The following AP1G1 variants were observed in gnomAD, a reference collection of about 807,000 sequenced individuals.
The protein encoded by AP1G1 is AP-1 complex subunit gamma-1.
AP1G1 carries 7 observed loss-of-function variants against 108.3 expected under a neutral mutation model. That is an observed-to-expected ratio of 0.06 (90% CI 0.04 to 0.12). The LOEUF (loss-of-function observed/expected upper bound fraction) is 0.12, where lower values mean the gene tolerates loss of function less well. Ranked by LOEUF, AP1G1 falls within the 10% of genes least tolerant of loss-of-function variation. AP1G1 has a pLI of 1.00. For missense variants in AP1G1, 756 were observed against 1,010.7 expected (o/e 0.75, Z 3.42); for synonymous variants, 379 against 353.5 (o/e 1.07, Z -0.81).
chr16:71,745,519 G>A lies in AP1G1; in HGVS notation c.1826C>T (p.Pro609Leu), dbSNP rs1199639905. The stretch of plus-strand genomic sequence containing the variant: ...AGAGGGTGGCGGTTTGGTCTCTAGT[G>A]GAGCTGGTTCTGTCTCTCCATTTGT... ...VQTNGETEPA[P>L]LETKPPPSGP... The change falls in exon 18 of 23, where the codon CCA (proline) becomes CTA (leucine). Residue 609 changes from proline (P) to leucine (L), a missense_variant. Physicochemically the swap from Pro to Leu is moderately conservative, Grantham distance 98. This residue lies in a region of AP1G1 where 357 missense variants were observed against 366.5 expected (regional missense o/e 0.97). Coordinates refer to ENST00000299980, the MANE Select transcript of AP1G1 (RefSeq NM_001128.6). 1 of 1,614,174 alleles carries A rather than the reference G, an allele frequency of 6.2e-7. No individual in the cohort carries two copies. Among genetic ancestry groups the A allele is most frequent in the Non-Finnish European group, 8.5e-7 (1 of 1,180,024 alleles).
At chr16:71,736,872 G>A (rs1476554920) in intron 21 of AP1G1, among the ~76,000 whole-genome samples, 2 of 151,840 alleles carry the variant, frequency 1.3e-5, no homozygotes, top group African/African-American at 2.4e-5. Flanking sequence ...TGGGATTACA[G>A]GCGTGAGCCA....
chr16:71,779,980 T>C (rs2031943474), intron 2 of AP1G1, among the ~76,000 whole-genome samples: 4 of 151,210 alleles, frequency 2.6e-5, no homozygotes. Flanking sequence ...AAAAATTTTG[T>C]TTCAGTTTTT....
At chr16:71,803,116 G>A (rs2032867243) in intron 1 of AP1G1, among the ~76,000 whole-genome samples, 1 of 151,522 alleles carries the variant, frequency 6.6e-6, no homozygotes, top group African/African-American at 2.4e-5. Context: ...TCGGGAGGCT[G>A]AGCACAAGAA....
intron 1 of AP1G1, among the ~76,000 whole-genome samples, chr16:71,800,152 C>A (rs1395309131): frequency 7.1e-6 from 1 of 140,074 alleles, no homozygotes; most frequent in Non-Finnish European, 1.5e-5. Context: ...ATCACGAGGT[C>A]AGGAGATCAA....
chr16:71,735,287 T>C (rs1446527258), intron 21 of AP1G1, among the ~76,000 whole-genome samples: 3 of 152,116 alleles, frequency 2.0e-5, no homozygotes, highest in African/African-American at 7.2e-5. Flanking sequence ...AACCAGCCTA[T>C]ACAGCAAAAG....
At chr16:71,786,734 C>G (rs1459815571) in intron 2 of AP1G1, among the ~76,000 whole-genome samples, 5 of 152,056 alleles carry the variant, frequency 3.3e-5, no homozygotes, top group Non-Finnish European at 7.4e-5. Flanking sequence ...TCTGGGTGTA[C>G]AGGCGTGAGC....
At chr16:71,782,949 G>A (rs2032078765) in intron 2 of AP1G1, among the ~76,000 whole-genome samples, 1 of 152,032 alleles carries the variant, frequency 6.6e-6, no homozygotes, top group Non-Finnish European at 1.5e-5. Flanking sequence ...CTGGATTTGG[G>A]ATCAGCCATC....
intron 2 of AP1G1, among the ~76,000 whole-genome samples, chr16:71,784,658 A>C (rs2032138385): frequency 6.6e-6 from 1 of 152,034 alleles, no homozygotes; most frequent in African/African-American, 2.4e-5. Context: ...TTCCAGGTTC[A>C]AGTGATTCTC....
intron 1 of AP1G1, among the ~76,000 whole-genome samples, chr16:71,806,368 T>C (rs1358760828): frequency 1.3e-5 from 2 of 152,208 alleles, no homozygotes; most frequent in Admixed American, 6.5e-5. Context: ...CTTTCTACAG[T>C]GAATGCAAAC....
At chr16:71,741,307 G>A (rs2045617735) in intron 19 of AP1G1, among the ~76,000 whole-genome samples, 1 of 152,210 alleles carries the variant, frequency 6.6e-6, no homozygotes, top group African/African-American at 2.4e-5. Context: ...GACAGGCTGG[G>A]CGCGATGGCT....
intron 15 of AP1G1, among the ~76,000 whole-genome samples, chr16:71,748,689 T>C (rs576259243): frequency 1.3e-5 from 2 of 152,230 alleles, no homozygotes; most frequent in Middle Eastern, 6.8e-3. Flanking sequence ...AAGAAAAACA[T>C]ACAGAGTTCA....
At chr16:71,743,636 A>C (rs2145424052) in intron 19 of AP1G1, 1 of 149,950 alleles carries the variant, frequency 6.7e-6, no homozygotes, top group East Asian at 2.0e-4. Flanking sequence ...TTAACCTTTC[A>C]GCTATACTTT....
At chr16:71,797,128 T>TA (rs770346972) in intron 1 of AP1G1, among the ~76,000 whole-genome samples, 4 of 150,280 alleles carry the variant, frequency 2.7e-5, no homozygotes, top group Non-Finnish European at 3.0e-5. Context: ...ACTAATGAAA[T>TA]AAAAAAAAAT....
intron 10 of AP1G1, among the ~76,000 whole-genome samples, chr16:71,760,744 T>G (rs1411268123): frequency 6.6e-6 from 1 of 151,530 alleles, no homozygotes; most frequent in African/African-American, 2.4e-5. Flanking sequence ...AGATGGAGTT[T>G]TGCCATGTTG....
intron 11 of AP1G1, among the ~76,000 whole-genome samples, chr16:71,756,632 A>G (rs1177551686): frequency 6.6e-6 from 1 of 152,182 alleles, no homozygotes; most frequent in African/African-American, 2.4e-5. Context: ...AAAGGTATGC[A>G]GAAAATTCAA....
chr16:71,756,131 C>G lies in AP1G1; in HGVS notation c.1117G>C (p.Val373Leu). The change falls in exon 12 of 23, where the codon GTA becomes CTA. Residue 373 changes from valine (V) to leucine (L), a missense_variant. Physicochemically the swap from Val to Leu is conservative, Grantham distance 32 (BLOSUM62 1). Coordinates refer to ENST00000299980, the MANE Select transcript of AP1G1 (RefSeq NM_001128.6). Reference protein sequence around the residue: ...RRAMELSFALVNGNNIRGMMK... With the variant: ...RRAMELSFALLNGNNIRGMMK... ...ATGCCTCGGATATTATTCCCATTTA[C>G]CAGGGCAAAACTCAATTCCATTGCA... 1.2e-6 allele frequency: 2 copies of G among 1,613,100 alleles called. No individual in the cohort carries two copies. Among genetic ancestry groups the G allele is most frequent in the African/African-American group, 1.3e-5 (1 of 74,980 alleles).
At chr16:71,805,093 A>G (rs2032951642) in intron 1 of AP1G1, among the ~76,000 whole-genome samples, 1 of 152,218 alleles carries the variant, frequency 6.6e-6, no homozygotes, top group Admixed American at 6.5e-5. Context: ...TACTTTCAAC[A>G]TTATTCTGCA....
intron 6 of AP1G1, among the ~76,000 whole-genome samples, chr16:71,768,535 G>C (rs945587594): frequency 6.8e-5 from 10 of 147,020 alleles, no homozygotes; most frequent in Non-Finnish European, 1.3e-4. Flanking sequence ...GTACTTAAGA[G>C]AACTAAGACT....
chr16:71,739,987 T>C (rs140878625), intron 19 of AP1G1, among the ~76,000 whole-genome samples: 1 of 152,264 alleles, frequency 6.6e-6, no homozygotes, highest in East Asian at 1.9e-4. Flanking sequence ...GAAGTGGAAT[T>C]TAAAATTATA....
Sources: gnomAD v4.1 joint callset for allele counts (sites outside exome capture counted in the v4.1 genomes callset) on GRCh38, gnomAD v4.1.1 for gene constraint, gnomAD v4.1.1 regional missense constraint, MANE v1.5 for transcripts, NCBI Gene and HGNC (gene_info 2026-07-23, HGNC 2026-07-21) for gene names.